The following WDPCP variants were observed in gnomAD, a reference collection of about 807,000 sequenced individuals.
The protein encoded by WDPCP is WD repeat-containing and planar cell polarity effector protein fritz homolog.
WDPCP carries 71 observed loss-of-function variants against 93.1 expected under a neutral mutation model. The observed-to-expected ratio is 0.76, with a 90% CI of 0.63 to 0.93. The LOEUF is 0.93. Ranked by LOEUF, WDPCP falls within the 40% of genes least tolerant of loss-of-function variation. WDPCP has a pLI of 0.00. For synonymous variants in WDPCP, 315 were observed against 315.0 expected (o/e 1.00, Z 0.00); for missense variants, 844 against 887.4 (o/e 0.95, Z 0.62).
At chr2:63,640,259 C>T (rs1461783647) in intron 3 of WDPCP, among the ~76,000 whole-genome samples, 5 of 152,106 alleles carry the variant, frequency 3.3e-5, no homozygotes, top group Non-Finnish European at 7.4e-5. Flanking sequence ...CCTCCCACTT[C>T]GGCCTCCCAA....
intron 1 of WDPCP, among the ~76,000 whole-genome samples, chr2:63,515,823 C>T (rs1702514825): frequency 6.6e-6 from 1 of 152,102 alleles, no homozygotes; most frequent in African/African-American, 2.4e-5. Context: ...AGTTCGAGAC[C>T]AGCCTGGTCA....
intron 15 of WDPCP, among the ~76,000 whole-genome samples, chr2:63,154,578 A>C (rs564137475): frequency 3.2e-4 from 49 of 152,302 alleles, no homozygotes; most frequent in African/African-American, 1.1e-3. Context: ...AGTTTTTGAA[A>C]ATTATGAATA....
At chr2:63,536,938 T>C (rs1704329498) in intron 1 of WDPCP, among the ~76,000 whole-genome samples, 1 of 152,042 alleles carries the variant, frequency 6.6e-6, no homozygotes, top group South Asian at 2.1e-4. Flanking sequence ...GCCAATTTTT[T>C]TGTATTTTTA....
At chr2:63,584,120 T>C (rs1708682324) in intron 1 of WDPCP, among the ~76,000 whole-genome samples, 1 of 151,946 alleles carries the variant, frequency 6.6e-6, no homozygotes, top group South Asian at 2.1e-4. Context: ...ATCATACCAC[T>C]GCACTCCAGC....
intron 12 of WDPCP, among the ~76,000 whole-genome samples, chr2:63,321,315 AT>A (rs1386558919): frequency 1.5e-4 from 15 of 102,982 alleles, no homozygotes; most frequent in Non-Finnish European, 2.8e-4. Context: ...GTGTGTCTCT[AT>A]TATCAGAGTA....
At chr2:63,476,441 A>G (rs983381212) in intron 6 of WDPCP, among the ~76,000 whole-genome samples, 3 of 152,078 alleles carry the variant, frequency 2.0e-5, no homozygotes, top group Non-Finnish European at 2.9e-5. Context: ...CAAATTTCAC[A>G]CAGCTTTTTA....
chr2:63,609,807 G>T (rs912007720), intron 3 of WDPCP, among the ~76,000 whole-genome samples: 46 of 152,328 alleles, frequency 3.0e-4, no homozygotes, highest in Admixed American at 1.4e-3. Context: ...GGGAGGTCAA[G>T]GTTGCAGTGA....
At chr2:63,680,674 T>C (rs1284595977) in intron 2 of WDPCP, among the ~76,000 whole-genome samples, 2 of 152,140 alleles carry the variant, frequency 1.3e-5, no homozygotes, top group Non-Finnish European at 2.9e-5. Context: ...CCAGTGGGAC[T>C]TGGGGGACAT....
chr2:63,506,601 C>T (rs376860979), intron 1 of WDPCP, among the ~76,000 whole-genome samples: 4 of 152,132 alleles, frequency 2.6e-5, no homozygotes, highest in African/African-American at 7.2e-5. Flanking sequence ...AAAAAGCACA[C>T]GTACTGGAAC....
At chr2:63,734,906 C>CAGACAGACAGACAGAT (rs1553453384) in intron 2 of WDPCP, among the ~76,000 whole-genome samples, 1 of 147,882 alleles carries the variant, frequency 6.8e-6, no homozygotes, top group Non-Finnish European at 1.5e-5. Context: ...GACAGACAGA[C>CAGACAGACAGACAGAT]AGATAGATAG....
intron 12 of WDPCP, among the ~76,000 whole-genome samples, chr2:63,349,378 T>C (rs1449982584): frequency 1.3e-5 from 2 of 152,162 alleles, no homozygotes; most frequent in Admixed American, 6.5e-5. Context: ...TATTTTCTTT[T>C]AATTTTATTT....
intron 14 of WDPCP, among the ~76,000 whole-genome samples, chr2:63,209,702 T>A (rs1316160526): frequency 1.3e-5 from 2 of 152,190 alleles, no homozygotes; most frequent in Non-Finnish European, 1.5e-5. Flanking sequence ...AATGACAGCA[T>A]CTTTTTAGAA....
chr2:63,549,002 A>ATT (rs1164142200), intron 1 of WDPCP, among the ~76,000 whole-genome samples: 3 of 152,130 alleles, frequency 2.0e-5, no homozygotes, highest in Non-Finnish European at 2.9e-5. Context: ...TAATCCCAGC[A>ATT]TTTTAGGAGG....
At chr2:63,370,174 T>C (rs1691264585) in intron 12 of WDPCP, among the ~76,000 whole-genome samples, 4 of 152,168 alleles carry the variant, frequency 2.6e-5, no homozygotes, top group Admixed American at 1.3e-4. Context: ...AAAGGAACCC[T>C]CATCCCTTGG....
intron 13 of WDPCP, among the ~76,000 whole-genome samples, chr2:63,292,367 A>AT (rs1326228422): frequency 7.1e-5 from 4 of 56,234 alleles, no homozygotes; most frequent in South Asian, 7.8e-4. Flanking sequence ...TAACAGTTTT[A>AT]TTTAAAAAAA....
intron 10 of WDPCP, among the ~76,000 whole-genome samples, chr2:63,390,937 T>C (rs1693185555): frequency 6.6e-6 from 1 of 152,160 alleles, no homozygotes; most frequent in South Asian, 2.1e-4. Flanking sequence ...CCAGACGGAT[T>C]CACAGCCAAA....
chr2:63,595,538 A>T, intron 3 of WDPCP: 1 of 1,448,536 alleles, frequency 6.9e-7, no homozygotes, highest in South Asian at 1.1e-5. Context: ...GGGAGTAGAG[A>T]AGGGATTTTA....
At chr2:63,331,648 C>G (rs1483711540) in intron 12 of WDPCP, among the ~76,000 whole-genome samples, 1 of 152,086 alleles carries the variant, frequency 6.6e-6, no homozygotes, top group African/African-American at 2.4e-5. Context: ...AAAAAAGTTT[C>G]CATGTGCTAT....
intron 9 of WDPCP, among the ~76,000 whole-genome samples, chr2:63,431,749 C>T (rs936491631): frequency 3.9e-5 from 6 of 151,958 alleles, no homozygotes; most frequent in Non-Finnish European, 8.8e-5. Flanking sequence ...TAATGACTTT[C>T]ACATGAAGCT....
Sources: gnomAD v4.1 joint callset for allele counts (sites outside exome capture counted in the v4.1 genomes callset) on GRCh38, gnomAD v4.1.1 for gene constraint, MANE v1.5 for transcripts, NCBI Gene and HGNC (gene_info 2026-07-23, HGNC 2026-07-21) for gene names.